Variants in PTPRT observed in about 807,000 individuals in gnomAD.
PTPRT encodes the protein receptor-type tyrosine-protein phosphatase T.
A neutral mutation model predicts 176.8 loss-of-function variants in PTPRT; 56 were observed. That is an observed-to-expected ratio of 0.32 (90% CI 0.26 to 0.40). The LOEUF (loss-of-function observed/expected upper bound fraction) is 0.40, where lower values mean the gene tolerates loss of function less well. PTPRT is among the 10% of genes least tolerant of loss of function. The pLI is 1.00. For missense variants in PTPRT, 1,540 were observed against 1,908.2 expected (o/e 0.81, Z 3.60); for synonymous variants, 783 against 739.0 (o/e 1.06, Z -0.96).
At chr20:42,418,760 T>G (rs534235609) in intron 9 of PTPRT, among the ~76,000 whole-genome samples, 1 of 152,142 alleles carries the variant, frequency 6.6e-6, no homozygotes, top group African/African-American at 2.4e-5. Context: ...GGTCATGTTA[T>G]GGGAAATCCC....
intron 1 of PTPRT, among the ~76,000 whole-genome samples, chr20:43,009,065 G>A (rs949816777): frequency 6.6e-6 from 1 of 152,192 alleles, no homozygotes; most frequent in East Asian, 1.9e-4. Flanking sequence ...ATACCTTGGT[G>A]AGCAAGAAAG....
At position 43,001,381 on chromosome 20, in the gene PTPRT, T is replaced by C. The variant is rs181608072; in HGVS notation, c.89-115449A>G. Among the ~76,000 whole-genome samples the C allele has an allele frequency of 3.8e-4, 58 of 152,256 alleles. No homozygotes were observed. The East Asian group carries it at 9.8e-3, about 26-fold the overall frequency. On this transcript the variant is annotated intron_variant, in intron 1 of 30. Transcript: ENST00000373187. ...ATGGCATAGTTATACAACTTTTTAATTGTTAAACTTTATTATTTAAAAAAT... is the reference window on the plus strand; with the variant it reads ...ATGGCATAGTTATACAACTTTTTAACTGTTAAACTTTATTATTTAAAAAAT...
intron 16 of PTPRT, among the ~76,000 whole-genome samples, chr20:42,187,239 A>G (rs115868724): frequency 5.7e-4 from 86 of 152,182 alleles, no homozygotes; most frequent in African/African-American, 2.0e-3. Flanking sequence ...GCCATTTCTT[A>G]TGCTACTAAT....
chr20:42,658,033 G>T (rs2075157973), intron 7 of PTPRT, among the ~76,000 whole-genome samples: 1 of 150,894 alleles, frequency 6.6e-6, no homozygotes, highest in Non-Finnish European at 1.5e-5. Context: ...GAACCCAAAT[G>T]TATGTCTCTA....
chr20:42,869,362 T>C (rs2078805062), intron 2 of PTPRT, among the ~76,000 whole-genome samples: 1 of 152,018 alleles, frequency 6.6e-6, no homozygotes, highest in South Asian at 2.1e-4. Flanking sequence ...CCATGAAGAA[T>C]GGGGCTGCCT....
intron 15 of PTPRT, among the ~76,000 whole-genome samples, chr20:42,229,212 A>G (rs2056083816): frequency 6.6e-6 from 1 of 152,228 alleles, no homozygotes. Context: ...GCAGATCCCC[A>G]GGCCATGCTT....
At position 42,138,419 on chromosome 20, in the gene PTPRT, T is replaced by A. The variant is rs75822917; in HGVS notation, c.2770+3496A>T. Among the ~76,000 whole-genome samples the A allele has an allele frequency of 3.5e-3, 539 of 152,340 alleles. 7 individuals are homozygous for A. The highest frequency in any genetic ancestry group is 0.012 in the African/African-American group (519 of 41,586). Reference sequence around the variant, plus strand: ...TCTCTCTTTGGGTCCTGGTAACCCCTCCTACGGAATCCTTCCTGGTCTGAG... The same window carrying A: ...TCTCTCTTTGGGTCCTGGTAACCCCACCTACGGAATCCTTCCTGGTCTGAG... On this transcript the variant is annotated intron_variant, in intron 18 of 30. Coordinates refer to ENST00000373187, the MANE Select transcript of PTPRT (RefSeq NM_007050.6).
At chr20:42,425,474 G>A (rs182196105) in intron 9 of PTPRT, among the ~76,000 whole-genome samples, 2 of 152,292 alleles carry the variant, frequency 1.3e-5, no homozygotes, top group Non-Finnish European at 2.9e-5. Flanking sequence ...AGGGGGTGAA[G>A]AAAATGGGGA....
chr20:43,135,860 A>G (rs530236487), intron 1 of PTPRT, among the ~76,000 whole-genome samples: 13 of 152,210 alleles, frequency 8.5e-5, no homozygotes, highest in African/African-American at 2.6e-4. Flanking sequence ...ATTCCACTTG[A>G]TCTCCCCTGT....
intron 7 of PTPRT, among the ~76,000 whole-genome samples, chr20:42,583,159 C>T (rs1295276069): frequency 6.6e-6 from 1 of 152,126 alleles, no homozygotes; most frequent in African/African-American, 2.4e-5. Context: ...CCGACAGGTC[C>T]ACAGAGATGA....
intron 3 of PTPRT, 69 bp from the exon 4 acceptor site, chr20:42,780,368 G>T: frequency 8.1e-7 from 1 of 1,227,426 alleles, no homozygotes; most frequent in East Asian, 2.4e-5. Context: ...GAAGCTGCCC[G>T]GCCCCCAGCC....
chr20:42,420,774 TGG>T (rs2145768614), intron 9 of PTPRT, among the ~76,000 whole-genome samples: 2 of 152,290 alleles, frequency 1.3e-5, no homozygotes, highest in South Asian at 4.1e-4. Flanking sequence ...CCTACCAACA[TGG>T]GTCTAGGACC....
intron 1 of PTPRT, among the ~76,000 whole-genome samples, chr20:43,152,745 T>C (rs1422432351): frequency 6.6e-6 from 1 of 152,210 alleles, no homozygotes; most frequent in Non-Finnish European, 1.5e-5. Flanking sequence ...AAATCATATT[T>C]GAAATCAAAT....
Position 42,791,523 on chromosome 20 carries a change from T to A in PTPRT, c.215-57A>T, listed in dbSNP as rs1183881858. The A allele has an allele frequency of 7.9e-6, 12 of 1,511,964 alleles. No homozygotes were observed. The East Asian group carries it at 2.9e-4, about 36-fold the overall frequency. The allele number at this position is 1,511,964 out of a possible 1,614,324, so 93.7% of individuals were successfully genotyped here. ...GACAAAGAGAAAGTAAGAAAATCCT[T>A]CTGAAAATCAGTCACACCCATAAAC... On this transcript the variant is annotated intron_variant, in intron 2 of 30. Coordinates refer to ENST00000373187, the MANE Select transcript of PTPRT (RefSeq NM_007050.6).
intron 6 of PTPRT, among the ~76,000 whole-genome samples, chr20:42,740,052 C>A (rs577215312): frequency 2.0e-5 from 3 of 152,272 alleles, no homozygotes; most frequent in African/African-American, 7.2e-5. Context: ...GGTCTAGAAT[C>A]GGACGCTCAA....
At chr20:42,294,772 A>T (rs1053233024) in intron 12 of PTPRT, among the ~76,000 whole-genome samples, 2 of 152,076 alleles carry the variant, frequency 1.3e-5, no homozygotes, top group Non-Finnish European at 2.9e-5. Context: ...GAAAAACCAA[A>T]ATATACAAAA....
intron 21 of PTPRT, 44 bp from the exon 22 acceptor site, chr20:42,115,359 A>G (rs758761232): frequency 2.8e-6 from 4 of 1,412,014 alleles, no homozygotes. Context: ...AACAGAGACA[A>G]GGATGCATAA....
intron 27 of PTPRT, among the ~76,000 whole-genome samples, chr20:42,094,047 A>T (rs1172980849): frequency 6.6e-6 from 1 of 152,214 alleles, no homozygotes; most frequent in Non-Finnish European, 1.5e-5. Context: ...AAGATTCTTC[A>T]TTCACCCAGG....
intron 7 of PTPRT, among the ~76,000 whole-genome samples, chr20:42,523,287 T>C (rs8120658): frequency 0.022 from 3,293 of 152,310 alleles, 104 homozygotes; most frequent in African/African-American, 0.076. Flanking sequence ...GCAGATCTTG[T>C]AGCTGTCAGT....
Sources: gnomAD v4.1 joint callset for allele counts (sites outside exome capture counted in the v4.1 genomes callset) on GRCh38, gnomAD v4.1.1 for gene constraint, MANE v1.5 for transcripts, NCBI Gene and HGNC (gene_info 2026-07-23, HGNC 2026-07-21) for gene names.